CNTNAP4: variants seen among roughly 807,000 people sequenced by gnomAD.
CNTNAP4 encodes the protein contactin-associated protein-like 4.
CNTNAP4 carries 98 observed loss-of-function variants against 148.4 expected under a neutral mutation model. That is an observed-to-expected ratio of 0.66 (90% CI 0.56 to 0.78). The LOEUF (loss-of-function observed/expected upper bound fraction) is 0.78. Ranked by LOEUF, CNTNAP4 falls within the 30% of genes least tolerant of loss-of-function variation. The pLI is 0.00. For synonymous variants in CNTNAP4, 730 were observed against 565.1 expected, an observed-to-expected ratio of 1.29 and a Z score of -4.14; for missense variants, 1,935 against 1,565.6, an observed-to-expected ratio of 1.24 and a Z score of -3.98.
rs781047684 is a variant in CNTNAP4 at position 76,479,454 on chromosome 16, A to G, written c.1798A>G (p.Arg600Gly). 5 of 1,610,824 alleles carry G rather than the reference A, an allele frequency of 3.1e-6. No homozygotes were observed. The African/African-American group carries it at 6.7e-5, about 21-fold the overall frequency. The part of the protein sequence containing the change: ...YEQSCEAYKH[R>G]GNTSGFYYID... ...GCAGTCATGTGAAGCCTATAAGCAC[A>G]GAGGAAATACTTCAGGGTTTTACTA... Residue 600 changes from arginine (R) to glycine (G), a missense_variant, in exon 12 of 24, where the codon AGA becomes GGA. By Grantham distance (125) the Arg-to-Gly change is moderately radical (BLOSUM62 -2). Transcript: ENST00000611870.
chr16:76,437,025 G>A (rs963775605), intron 4 of CNTNAP4, among the ~76,000 whole-genome samples: 1 of 149,198 alleles, frequency 6.7e-6, no homozygotes, highest in African/African-American at 2.5e-5. Context: ...TAATTCACAT[G>A]ATCACAAGGT....
At chr16:76,333,830 A>C (rs1261703575) in intron 2 of CNTNAP4, among the ~76,000 whole-genome samples, 30 of 143,832 alleles carry the variant, frequency 2.1e-4, no homozygotes, top group Middle Eastern at 3.7e-3. Flanking sequence ...ACTTTAAAAA[A>C]GCCTATTCTT....
intron 1 of CNTNAP4, chr16:76,309,941 T>G: frequency 1.4e-6 from 1 of 700,744 alleles, no homozygotes; most frequent in East Asian, 2.7e-5. Flanking sequence ...CTTCCCCGTC[T>G]CGGGTATGTC....
At chr16:76,292,887 C>T (rs571947550) in intron 1 of CNTNAP4, among the ~76,000 whole-genome samples, 13 of 152,224 alleles carry the variant, frequency 8.5e-5, no homozygotes, top group Admixed American at 2.6e-4. Context: ...CATTGCTAAA[C>T]CAGAACCAGT....
At chr16:76,525,009 T>C (rs1022834754) in intron 17 of CNTNAP4, among the ~76,000 whole-genome samples, 1 of 151,518 alleles carries the variant, frequency 6.6e-6, no homozygotes, top group African/African-American at 2.4e-5. Context: ...GTAGAGAAAA[T>C]TACTGGCTGT....
At chr16:76,420,683 A>G (rs1261285573) in intron 3 of CNTNAP4, among the ~76,000 whole-genome samples, 1 of 151,950 alleles carries the variant, frequency 6.6e-6, no homozygotes, top group Non-Finnish European at 1.5e-5. Flanking sequence ...ACCAAAAACA[A>G]CAACAACAAC....
chr16:76,298,832 GT>G (rs1329915080), intron 1 of CNTNAP4, among the ~76,000 whole-genome samples: 1 of 152,060 alleles, frequency 6.6e-6, no homozygotes, highest in Non-Finnish European at 1.5e-5. Flanking sequence ...TATGTGGGTG[GT>G]GGACGTTTAA....
At chr16:76,511,110 G>T (rs1298849833) in intron 15 of CNTNAP4, among the ~76,000 whole-genome samples, 1 of 152,094 alleles carries the variant, frequency 6.6e-6, no homozygotes, top group East Asian at 1.9e-4. Flanking sequence ...CTGAATTTCT[G>T]CTCTCAGTCT....
At chr16:76,391,475 T>G (rs16944334) in intron 3 of CNTNAP4, among the ~76,000 whole-genome samples, 2 of 152,232 alleles carry the variant, frequency 1.3e-5, no homozygotes, top group Non-Finnish European at 2.9e-5. Context: ...TATCCTGTTA[T>G]GCAAAACTTT....
At position 76,535,704 on chromosome 16, in the gene CNTNAP4, G is replaced by C. The variant is rs537873589; in HGVS notation, c.2915G>C (p.Gly972Ala). The change falls in exon 18 of 24, where the codon GGA becomes GCA. Residue 972 changes from glycine (G) to alanine (A), a missense_variant. Coordinates refer to ENST00000611870, the MANE Select transcript of CNTNAP4 (RefSeq NM_033401.5). ...CSSYGKLCRN[G>A]GKCRERPIGF... The stretch of plus-strand genomic sequence containing the variant: ...AGCTATGGGAAGTTATGCCGCAATG[G>C]AGGGAAATGCAGAGAAAGACCCATT... 2 of 1,613,836 alleles carry C rather than the reference G, an allele frequency of 1.2e-6. No homozygotes were observed. Among genetic ancestry groups the C allele is most frequent in the African/African-American group, 1.3e-5 (1 of 74,922 alleles).
chr16:76,440,048 G>C (rs2079975147), intron 4 of CNTNAP4, among the ~76,000 whole-genome samples: 1 of 149,704 alleles, frequency 6.7e-6, no homozygotes, highest in African/African-American at 2.5e-5. Context: ...TGTTTGTTTA[G>C]TAATTCATGG....
intron 3 of CNTNAP4, among the ~76,000 whole-genome samples, chr16:76,368,358 A>G (rs1319255469): frequency 6.6e-6 from 1 of 152,252 alleles, no homozygotes; most frequent in Non-Finnish European, 1.5e-5. Flanking sequence ...TTATTCTACT[A>G]TAAAGATACA....
chr16:76,416,517 C>T (rs1483795540), intron 3 of CNTNAP4, among the ~76,000 whole-genome samples: 1 of 150,212 alleles, frequency 6.7e-6, no homozygotes, highest in African/African-American at 2.4e-5. Context: ...CTATTTTTAA[C>T]TTGAATTTTT....
intron 3 of CNTNAP4, among the ~76,000 whole-genome samples, chr16:76,382,794 A>T (rs2016119265): frequency 6.6e-6 from 1 of 152,170 alleles, no homozygotes; most frequent in South Asian, 2.1e-4. Flanking sequence ...TCCTTGCAGT[A>T]AAAGACTGGA....
chr16:76,479,222 C>CT (rs2081714072), intron 11 of CNTNAP4, among the ~76,000 whole-genome samples, 197 bp from the exon 12 acceptor site: 2 of 152,118 alleles, frequency 1.3e-5, no homozygotes, highest in Admixed American at 6.5e-5. Flanking sequence ...AAATCAACTT[C>CT]TTTTTTTGCT....
At chr16:76,313,682 G>C (rs1354690467) in intron 1 of CNTNAP4, among the ~76,000 whole-genome samples, 1 of 152,134 alleles carries the variant, frequency 6.6e-6, no homozygotes, top group African/African-American at 2.4e-5. Context: ...ATGAAAACGA[G>C]ACAATCTTGA....
chr16:76,367,410 A>G (rs1324722995), intron 3 of CNTNAP4, among the ~76,000 whole-genome samples: 1 of 152,176 alleles, frequency 6.6e-6, no homozygotes, highest in Non-Finnish European at 1.5e-5. Context: ...CATAAAGGAA[A>G]AGATGAAAAA....
intron 8 of CNTNAP4, among the ~76,000 whole-genome samples, chr16:76,458,936 C>CT (rs57953617): frequency 7.3e-5 from 11 of 151,534 alleles, no homozygotes; most frequent in South Asian, 2.1e-4. Flanking sequence ...ACAGTTCCCC[C>CT]TTTTTTTTTC....
intron 1 of CNTNAP4, among the ~76,000 whole-genome samples, chr16:76,280,024 A>T (rs1958627627): frequency 6.6e-6 from 1 of 152,214 alleles, no homozygotes; most frequent in Middle Eastern, 3.2e-3. Flanking sequence ...TTTCTAAAGT[A>T]TTATAATGAC....
Sources: gnomAD v4.1 joint callset for allele counts (sites outside exome capture counted in the v4.1 genomes callset) on GRCh38, gnomAD v4.1.1 for gene constraint, MANE v1.5 for transcripts, NCBI Gene and HGNC (gene_info 2026-07-23, HGNC 2026-07-21) for gene names.